The following CTBP2 variants were observed in gnomAD, a reference collection of about 807,000 sequenced individuals.
The protein encoded by CTBP2 is C-terminal-binding protein 2.
CTBP2 carries 30 observed loss-of-function variants against 80.3 expected under a neutral mutation model. The observed-to-expected ratio is 0.37, with a 90% CI of 0.28 to 0.51. The LOEUF (loss-of-function observed/expected upper bound fraction) is 0.51. Among genes scored for constraint, CTBP2 ranks in the 20% least tolerant of loss-of-function variants. CTBP2 has a pLI of 0.93. For synonymous variants in CTBP2, 594 were observed against 587.4 expected, an observed-to-expected ratio of 1.01 and a Z score of -0.16; for missense variants, 1,212 against 1,375.3, an observed-to-expected ratio of 0.88 and a Z score of 1.88.
At chr10:125,157,988 G>A (rs949274243) in intron 1 of CTBP2, among the ~76,000 whole-genome samples, 1 of 152,082 alleles carries the variant, frequency 6.6e-6, no homozygotes, top group Admixed American at 6.5e-5. Flanking sequence ...TACAGTCTCT[G>A]CTAAAGAAAA....
chr10:125,149,046 C>T (rs1450774877), intron 1 of CTBP2, among the ~76,000 whole-genome samples: 3 of 152,160 alleles, frequency 2.0e-5, no homozygotes, highest in Admixed American at 2.0e-4. Flanking sequence ...CACCACTGCG[C>T]CGTGTTCTGC....
intron 1 of CTBP2, among the ~76,000 whole-genome samples, chr10:125,157,119 G>A (rs896141974): frequency 2.0e-5 from 3 of 152,216 alleles, no homozygotes; most frequent in African/African-American, 7.2e-5. Flanking sequence ...TTAGAGAGAT[G>A]TACTTTACGA....
At chr10:125,137,479 G>A (rs533606560) in intron 1 of CTBP2, among the ~76,000 whole-genome samples, 3 of 152,276 alleles carry the variant, frequency 2.0e-5, no homozygotes, top group Middle Eastern at 3.4e-3. Context: ...TCAAGGCACC[G>A]ACTTTATCTT....
At chr10:125,048,041 C>G (rs1261954224) in intron 2 of CTBP2, among the ~76,000 whole-genome samples, 1 of 152,120 alleles carries the variant, frequency 6.6e-6, no homozygotes, top group Admixed American at 6.5e-5. Flanking sequence ...TAGGGGAACC[C>G]AACTGGCCTT....
chr10:125,119,262 C>G (rs1004159293), intron 1 of CTBP2, among the ~76,000 whole-genome samples: 1 of 152,220 alleles, frequency 6.6e-6, no homozygotes, highest in South Asian at 2.1e-4. Context: ...GATCCCCTGA[C>G]CAAAAGCAGG....
intron 2 of CTBP2, among the ~76,000 whole-genome samples, chr10:125,097,987 G>A (rs186167368): frequency 1.4e-3 from 211 of 152,230 alleles, no homozygotes; most frequent in African/African-American, 4.8e-3. Context: ...TGGGTGTGGC[G>A]GCGGGCGCCT....
intron 2 of CTBP2, among the ~76,000 whole-genome samples, chr10:125,061,663 G>A (rs1964995308): frequency 6.6e-6 from 1 of 152,186 alleles, no homozygotes; most frequent in Admixed American, 6.5e-5. Context: ...AGAGGCAACT[G>A]AGAGCTGGTA....
intron 2 of CTBP2, among the ~76,000 whole-genome samples, chr10:125,040,257 C>G (rs1959263562): frequency 6.6e-6 from 1 of 152,028 alleles, no homozygotes; most frequent in African/African-American, 2.4e-5. Flanking sequence ...GAGTTCGAGA[C>G]CAGCCTGGCC....
chr10:124,993,103 T>G lies in CTBP2; in HGVS notation c.2659+99A>C. 3 of 1,427,214 alleles carry G rather than the reference T, an allele frequency of 2.1e-6. No individual in the cohort carries two copies. The Admixed American group carries it at 7.3e-5, about 35-fold the overall frequency. 88.4% of individuals were successfully genotyped at this position (1,427,214 alleles called of 1,614,324 possible). A position where few individuals can be genotyped will look rare whatever the true frequency, so the allele number is the denominator to read the frequency against. ...TATAAATTTGATGCTAAAAGTGAAT[T>G]CTACCTGTCGAGAGCTGCCTGTAGC... On this transcript the variant is annotated intron_variant, in intron 7 of 8. Coordinates refer to ENST00000309035, the MANE Select transcript of CTBP2 (RefSeq NM_022802.3).
chr10:125,139,644 C>A (rs985201357), intron 1 of CTBP2, among the ~76,000 whole-genome samples: 3 of 152,108 alleles, frequency 2.0e-5, no homozygotes, highest in African/African-American at 7.2e-5. Context: ...TGAGCAAGCA[C>A]CGCTGGAGGG....
chr10:125,026,287 T>C lies in CTBP2; in HGVS notation c.1473A>G (p.Leu491=). 2 of 1,613,928 alleles carry C rather than the reference T, an allele frequency of 1.2e-6. No individual in the cohort carries two copies. The highest frequency in any genetic ancestry group is 1.7e-6 in the Non-Finnish European group (2 of 1,179,942). Residue 491 remains leucine (L), a synonymous_variant, in exon 1 of 9, where the codon CTA becomes CTG. Transcript: ENST00000309035. The stretch of plus-strand genomic sequence containing the variant: ...AGGCGGCCACGTTGCGCTCCCTCTT[T>C]AGCAGCTCCATGGGCACCGTGTATG...
rs550460339 is a variant in CTBP2, at chr10:125,046,845, C to T, written c.-101-7690G>A. 1.9e-4 allele frequency among the ~76,000 whole-genome samples: 29 copies of T among 152,284 alleles called. No individual in the cohort carries two copies. In the South Asian group the frequency reaches 4.1e-3, roughly 22 times the overall value. ...GCCAACAAAGCTGAGTAAATCCTCC[C>T]GTTTTGGTTAAGGGTTGTTAGCACA... On this transcript the variant is annotated intron_variant, in intron 2 of 10. Transcript: ENST00000337195.
chr10:125,018,777 C>T (rs548798196), intron 1 of CTBP2, among the ~76,000 whole-genome samples: 62 of 152,328 alleles, frequency 4.1e-4, no homozygotes, highest in African/African-American at 1.3e-3. Context: ...TTGCAGGACG[C>T]GCTCCCCGCC....
chr10:125,089,929 T>TG (rs1848522527), intron 2 of CTBP2, among the ~76,000 whole-genome samples: 1 of 152,146 alleles, frequency 6.6e-6, no homozygotes, highest in African/African-American at 2.4e-5. Context: ...ATGTTGTCCT[T>TG]GGGAACACTT....
At chr10:125,074,329 AC>A (rs1189125150) in intron 2 of CTBP2, among the ~76,000 whole-genome samples, 1 of 152,132 alleles carries the variant, frequency 6.6e-6, no homozygotes, top group Admixed American at 6.5e-5. Context: ...GCTGGGATGC[AC>A]CCTCTGCAGT....
chr10:125,064,372 T>C (rs1844310125), intron 2 of CTBP2, among the ~76,000 whole-genome samples: 1 of 152,206 alleles, frequency 6.6e-6, no homozygotes, highest in Admixed American at 6.5e-5. Flanking sequence ...GGCAAGTACT[T>C]CTTCCAAACT....
At chr10:125,056,190 ATAATAG>A (rs1229184809) in intron 2 of CTBP2, among the ~76,000 whole-genome samples, 1 of 148,600 alleles carries the variant, frequency 6.7e-6, no homozygotes, top group Non-Finnish European at 1.5e-5. Flanking sequence ...AATAATAATA[ATAATAG>A]TAATAATAAT....
At chr10:124,994,758 A>G in intron 4 of CTBP2, 75 bp from the exon 7 acceptor site, 1 of 1,467,954 alleles carries the variant, frequency 6.8e-7, no homozygotes, top group Non-Finnish European at 9.5e-7. Flanking sequence ...ATTGCTTCTG[A>G]GCTGAGTCCG....
At chr10:125,088,335 G>C (rs1848300450) in intron 2 of CTBP2, 1 of 152,232 alleles carries the variant, frequency 6.6e-6, no homozygotes, top group Non-Finnish European at 1.5e-5. Context: ...GAATGAAAAA[G>C]GGATGGGAGC....
Sources: allele counts gnomAD v4.1 joint callset (sites outside exome capture counted in the v4.1 genomes callset), GRCh38; gene constraint gnomAD v4.1.1; transcripts MANE v1.5; gene names NCBI Gene and HGNC (gene_info 2026-07-23, HGNC 2026-07-21).